DNAAF9: variants seen among roughly 807,000 people sequenced by gnomAD.
DNAAF9 encodes dynein axonemal assembly factor 9.
Under a neutral mutation model 167.0 loss-of-function variants are expected in DNAAF9, and 90 were observed. The observed-to-expected ratio is 0.54, with a 90% CI of 0.45 to 0.64. The LOEUF (loss-of-function observed/expected upper bound fraction) is 0.64, where lower values mean the gene tolerates loss of function less well. Among genes scored for constraint, DNAAF9 ranks in the 30% least tolerant of loss-of-function variants. The pLI, the probability that DNAAF9 is intolerant of heterozygous loss-of-function variation, is 0.00. For synonymous variants in DNAAF9, 491 were observed against 508.8 expected, an observed-to-expected ratio of 0.96 and a Z score of 0.47; for missense variants, 1,315 against 1,442.2, an observed-to-expected ratio of 0.91 and a Z score of 1.43.
At position 3,281,690 on chromosome 20, in the gene DNAAF9, C is replaced by T. The variant is rs377672090; in HGVS notation, c.2563G>A (p.Gly855Ser). The stretch of plus-strand genomic sequence containing the variant: ...GGCTCCACACATGCTGTGATGGCAC[C>T]AATGGTGAAGGAGGCCTTGACATTT... ...DSNVKASFTI[G>S]AITACVEPMS... Residue 855 changes from glycine to serine, a missense_variant, in exon 28 of 37, where the codon GGT (glycine) becomes AGT (serine). This residue lies in a region of DNAAF9 where 334 missense variants were observed against 429.7 expected (regional missense o/e 0.78). Coordinates refer to ENST00000252032, the MANE Select transcript of DNAAF9 (RefSeq NM_001009984.3). 1 of 1,612,704 alleles carries T rather than the reference C, an allele frequency of 6.2e-7. No individual in the cohort carries two copies. The highest frequency in any genetic ancestry group is 8.5e-7 in the Non-Finnish European group (1 of 1,179,456).
At chr20:3,330,602 G>C in intron 12 of DNAAF9, 44 bp downstream of exon 12, 3 of 1,215,162 alleles carry the variant, frequency 2.5e-6, no homozygotes, top group Middle Eastern at 3.8e-4. Flanking sequence ...TCACAACTGA[G>C]TAACTCAACT....
chr20:3,328,306 T>C (rs1393454253), intron 12 of DNAAF9, among the ~76,000 whole-genome samples: 2 of 151,944 alleles, frequency 1.3e-5, no homozygotes, highest in South Asian at 2.1e-4. Flanking sequence ...CTCAGCCTCC[T>C]GAGTAGCTGT....
chr20:3,375,159 T>G (rs2083559085), intron 4 of DNAAF9, 33 bp from the exon 5 acceptor site: 1 of 1,222,060 alleles, frequency 8.2e-7, no homozygotes, highest in Non-Finnish European at 1.2e-6. Flanking sequence ...AAATAAGCTC[T>G]GATGAGATAT....
rs1192349570 is a variant in DNAAF9 at position 3,315,650 on chromosome 20, G to A, written c.1590+85C>T. 3.9e-6 allele frequency: 4 copies of A among 1,024,476 alleles called. No homozygotes were observed. Among genetic ancestry groups the A allele is most frequent in the Non-Finnish European group, 6.2e-6 (4 of 643,720 alleles). The allele number at this position is 1,024,476 out of a possible 1,614,324, so 63.5% of individuals were successfully genotyped here. ...AGTGCAAGTCTTTTAGATTAGTAGTGAGATGAAGCATTTTAATACCTTTAT... is the reference window on the plus strand; with the variant it reads ...AGTGCAAGTCTTTTAGATTAGTAGTAAGATGAAGCATTTTAATACCTTTAT... On this transcript the variant is annotated intron_variant, in intron 19 of 36. Transcript: ENST00000252032. This position sits in a 1 kb window ranked among gnomAD's most constrained non-coding sequence, Gnocchi z 4.1.
At chr20:3,329,663 G>T (rs2123073200) in intron 12 of DNAAF9, among the ~76,000 whole-genome samples, 1 of 152,280 alleles carries the variant, frequency 6.6e-6, no homozygotes, top group East Asian at 1.9e-4. Flanking sequence ...ATATTTTAAA[G>T]AGATCTTTAG....
At chr20:3,252,732 G>A (rs757030032) in intron 36 of DNAAF9, 48 bp from the exon 37 acceptor site, 3 of 1,169,598 alleles carry the variant, frequency 2.6e-6, no homozygotes, top group Admixed American at 1.7e-5. Flanking sequence ...GGACAAGGGA[G>A]GCTGCCTGAG....
At chr20:3,359,433 C>T in intron 7 of DNAAF9, 83 bp downstream of exon 7, 1 of 900,024 alleles carries the variant, frequency 1.1e-6, no homozygotes, top group Non-Finnish European at 1.8e-6. Flanking sequence ...ATATCCTTTG[C>T]ATTTCTTCAA....
intron 33 of DNAAF9, among the ~76,000 whole-genome samples, chr20:3,257,335 A>C (rs2068298874): frequency 6.6e-6 from 1 of 151,526 alleles, no homozygotes; most frequent in Admixed American, 6.6e-5. Context: ...ACATAGGGAG[A>C]CCTTGTCTCC....
At chr20:3,301,041 G>T (rs532701344) in intron 21 of DNAAF9, among the ~76,000 whole-genome samples, 3 of 150,540 alleles carry the variant, frequency 2.0e-5, no homozygotes, top group Admixed American at 6.6e-5. Context: ...CAGAGACAGG[G>T]TCTTGCTCTG....
At chr20:3,321,267 G>A (rs1369570406) in intron 16 of DNAAF9, among the ~76,000 whole-genome samples, 1 of 152,164 alleles carries the variant, frequency 6.6e-6, no homozygotes, top group East Asian at 1.9e-4. Context: ...TTTCATCACT[G>A]TGTGAACATT....
rs778885874 is a variant in DNAAF9, at chr20:3,326,261, G to A, written c.1124C>T (p.Ala375Val). ...AGCCAAAACAGCCTCAATAACAGCAGCATATATCTGGGACAATAGCCTACT... is the reference window on the plus strand; with the variant it reads ...AGCCAAAACAGCCTCAATAACAGCAACATATATCTGGGACAATAGCCTACT... ...EQIRLLSQIY[A>V]AVIEAVLAGI... Residue 375 changes from alanine (A) to valine (V), a missense_variant, in exon 13 of 37, where the codon GCT becomes GTT. This residue lies in a region of DNAAF9 where 981 missense variants were observed against 1,012.5 expected (regional missense o/e 0.97). Coordinates refer to ENST00000252032, the MANE Select transcript of DNAAF9 (RefSeq NM_001009984.3). 1.2e-6 allele frequency: 2 copies of A among 1,612,972 alleles called. No homozygotes were observed. Among genetic ancestry groups the A allele is most frequent in the Non-Finnish European group, 8.5e-7 (1 of 1,179,032 alleles).
Position 3,250,852 on chromosome 20 carries a change from TAA to T in DNAAF9, c.*1718_*1719del, listed in dbSNP as rs1405245414. 2 of 152,242 alleles carry T rather than the reference TAA, an allele frequency of 1.3e-5. No individual in the cohort carries two copies. The highest frequency in any genetic ancestry group is 4.8e-5 in the African/African-American group (2 of 41,458). 9.4% of individuals were successfully genotyped at this position (152,242 alleles called of 1,614,324 possible). A position where few individuals can be genotyped will look rare whatever the true frequency, so the allele number is the denominator to read the frequency against. Reference sequence around the variant, plus strand: ...CTAAGGCTGCTCAAGTTTGAGTTTTTAAAAAGAGTTCGGTAGAGCTAAAGGAA... The same window carrying T: ...CTAAGGCTGCTCAAGTTTGAGTTTTTAAAGAGTTCGGTAGAGCTAAAGGAA... On this transcript the variant is annotated 3_prime_UTR_variant, in exon 37 of 37. Transcript: ENST00000252032.
chr20:3,332,679 G>T (rs1000243980), intron 10 of DNAAF9, among the ~76,000 whole-genome samples: 22 of 151,636 alleles, frequency 1.5e-4, no homozygotes, highest in African/African-American at 5.1e-4. Flanking sequence ...GGCCAGGCTG[G>T]TCTCAAACTC....
At position 3,384,681 on chromosome 20, in the gene DNAAF9, T is replaced by G. The variant is rs1484265607; in HGVS notation, c.84-2175A>C. ...GCACTACCACACCTGGGAAAATTTT[T>G]TTTAATTAAATGTAAACACCCTTAA... On this transcript the variant is annotated intron_variant, in intron 1 of 36. Coordinates refer to ENST00000252032, the MANE Select transcript of DNAAF9 (RefSeq NM_001009984.3). Among the ~76,000 whole-genome samples the G allele has an allele frequency of 3.9e-5, 6 of 152,156 alleles. No homozygotes were observed. In the East Asian group the frequency reaches 1.2e-3, roughly 29 times the overall value.
rs984349543 is a variant in DNAAF9, at chr20:3,315,236, G to A, written c.1591-116C>T. The A allele has an allele frequency of 1.0e-5, 7 of 702,378 alleles. No individual in the cohort carries two copies. The African/African-American group carries it at 1.2e-4, about 12-fold the overall frequency. 43.5% of individuals were successfully genotyped at this position (702,378 alleles called of 1,614,324 possible). A position where few individuals can be genotyped will look rare whatever the true frequency, so the allele number is the denominator to read the frequency against. On this transcript the variant is annotated intron_variant, in intron 19 of 36. Transcript: ENST00000252032. This position sits in a 1 kb window ranked among gnomAD's most constrained non-coding sequence, Gnocchi z 4.1. ...TGTCCGTCTACAAAAGCTGAGTCAG[G>A]CTCAGATATGCCCAATGTATTCCAT...
In DNAAF9 at chr20:3,270,569, A is replaced by G; in HGVS notation, c.2651-7T>C. ...ACCACGTTACTCACCAGGCCTGGGAATAAAACCAAGGACAGTTTAGCCTTC... is the reference window on the plus strand; with the variant it reads ...ACCACGTTACTCACCAGGCCTGGGAGTAAAACCAAGGACAGTTTAGCCTTC... On this transcript the variant is annotated splice_region_variant and splice_polypyrimidine_tract_variant and intron_variant, in intron 29 of 36. Coordinates refer to ENST00000252032, the MANE Select transcript of DNAAF9 (RefSeq NM_001009984.3). 1 of 1,612,000 alleles carries G rather than the reference A, an allele frequency of 6.2e-7. No individual in the cohort carries two copies. Among genetic ancestry groups the G allele is most frequent in the Non-Finnish European group, 8.5e-7 (1 of 1,179,510 alleles).
chr20:3,376,062 C>T, intron 4 of DNAAF9, 116 bp downstream of exon 4: 1 of 957,800 alleles, frequency 1.0e-6, no homozygotes. Flanking sequence ...AACAGATAAT[C>T]TTTTTTATAT....
At chr20:3,317,839 C>T (rs1436508736) in intron 17 of DNAAF9, among the ~76,000 whole-genome samples, 6 of 152,132 alleles carry the variant, frequency 3.9e-5, no homozygotes, top group African/African-American at 7.2e-5. Flanking sequence ...TCAAGTGATT[C>T]GCCCACCTTG....
chr20:3,366,651 G>A (rs1216909735), intron 6 of DNAAF9, among the ~76,000 whole-genome samples: 1 of 152,104 alleles, frequency 6.6e-6, no homozygotes, highest in Non-Finnish European at 1.5e-5. Flanking sequence ...GAGGCTGGGC[G>A]CTGTGGCTCA....
Sources: allele counts gnomAD v4.1 joint callset (sites outside exome capture counted in the v4.1 genomes callset), GRCh38; gene constraint gnomAD v4.1.1; regional missense constraint gnomAD v4.1.1; non-coding constraint Gnocchi (gnomAD v3.1); transcripts MANE v1.5; gene names NCBI Gene and HGNC (gene_info 2026-07-23, HGNC 2026-07-21).